COL8A1: variants seen among roughly 807,000 people sequenced by gnomAD.
The protein encoded by COL8A1 is collagen type VIII alpha 1 chain, also known as collagen alpha-1(VIII) chain.
A neutral mutation model predicts 42.7 loss-of-function variants in COL8A1; 21 were observed. That is an observed-to-expected ratio of 0.49 (90% confidence interval 0.35 to 0.71). The LOEUF (loss-of-function observed/expected upper bound fraction) is 0.71. Among genes scored for constraint, COL8A1 ranks in the 30% least tolerant of loss-of-function variants. The pLI is 0.01. For missense variants in COL8A1, 788 were observed against 962.4 expected, an observed-to-expected ratio of 0.82 and a Z score of 2.40; for synonymous variants, 367 against 369.1, an observed-to-expected ratio of 0.99 and a Z score of 0.06.
chr3:99,663,715 T>C (rs1052029538), intron 1 of COL8A1, among the ~76,000 whole-genome samples: 3 of 152,164 alleles, frequency 2.0e-5, no homozygotes, highest in Admixed American at 1.3e-4. Flanking sequence ...GTGAAGATGG[T>C]AAAATTTTTC....
chr3:99,787,660 C>CT (rs912732553), intron 2 of COL8A1, among the ~76,000 whole-genome samples: 1 of 152,160 alleles, frequency 6.6e-6, no homozygotes, highest in African/African-American at 2.4e-5. Flanking sequence ...GGTAAGAAAA[C>CT]TGAGGCTTAG....
chr3:99,749,225 A>T (rs1010649995), intron 2 of COL8A1, among the ~76,000 whole-genome samples: 53 of 152,264 alleles, frequency 3.5e-4, no homozygotes, highest in African/African-American at 1.2e-3. Flanking sequence ...TTTGGCAGTT[A>T]TTATGTGGGC....
intron 1 of COL8A1, among the ~76,000 whole-genome samples, chr3:99,644,854 T>C (rs1274115158): frequency 6.6e-6 from 1 of 152,220 alleles, no homozygotes; most frequent in East Asian, 1.9e-4. Context: ...AAATAACATG[T>C]ATCTAGCCTA....
intron 1 of COL8A1, among the ~76,000 whole-genome samples, chr3:99,655,711 A>G (rs1294010968): frequency 6.6e-6 from 1 of 152,264 alleles, no homozygotes; most frequent in Non-Finnish European, 1.5e-5. Context: ...TCAGAGAATA[A>G]AAGACAATGG....
At chr3:99,738,253 T>C (rs1015965414) in intron 1 of COL8A1, among the ~76,000 whole-genome samples, 2 of 152,270 alleles carry the variant, frequency 1.3e-5, no homozygotes, top group Non-Finnish European at 2.9e-5. Flanking sequence ...TCCAGCTTTG[T>C]TCCATCGCTG....
chr3:99,698,058 C>T (rs1939431683), intron 1 of COL8A1, among the ~76,000 whole-genome samples: 1 of 152,064 alleles, frequency 6.6e-6, no homozygotes, highest in Non-Finnish European at 1.5e-5. Flanking sequence ...TGAGTGAGAA[C>T]ATGTGGTGTT....
At chr3:99,753,203 C>T (rs1941186955) in intron 2 of COL8A1, among the ~76,000 whole-genome samples, 1 of 152,164 alleles carries the variant, frequency 6.6e-6, no homozygotes, top group Admixed American at 6.5e-5. Context: ...GCATTTTTAA[C>T]AAATTGCCAG....
intron 1 of COL8A1, among the ~76,000 whole-genome samples, chr3:99,639,490 T>G (rs148114743): frequency 9.2e-5 from 14 of 152,352 alleles, no homozygotes; most frequent in South Asian, 2.1e-4. Flanking sequence ...GAGAAAGGCT[T>G]TGGAAGTTTT....
Position 99,791,007 on chromosome 3 carries a change from A to C in COL8A1, c.325A>C (p.Lys109Gln), listed in dbSNP as rs1427817545. The change falls in exon 3 of 4, where the codon AAA becomes CAA. Residue 109 changes from lysine (K) to glutamine (Q), a missense_variant. Lys to Gln is a moderately conservative substitution (Grantham distance 53). Coordinates refer to ENST00000652472, the MANE Select transcript of COL8A1 (RefSeq NM_020351.4). ...MGKEAVPKKG[K>Q]EIPLASLRGE... ...CAAGGAAGCCGTACCCAAGAAAGGC[A>C]AAGGTAACATCATACTCCCAGGCTG... is the stretch of plus-strand genomic sequence containing the variant. 6.2e-7 allele frequency: 1 copy of C among 1,610,142 alleles called. No homozygotes were observed. The highest frequency in any genetic ancestry group is 8.5e-7 in the Non-Finnish European group (1 of 1,176,816).
chr3:99,721,822 A>G (rs1365495263), intron 1 of COL8A1, among the ~76,000 whole-genome samples: 1 of 152,074 alleles, frequency 6.6e-6, no homozygotes, highest in East Asian at 1.9e-4. Context: ...GTGAAAAAAC[A>G]AAAGGACGGA....
Position 99,794,520 on chromosome 3 carries a change from A to T in COL8A1, c.619A>T (p.Ile207Phe), listed in dbSNP as rs1021727368. 5 of 1,613,832 alleles carry T rather than the reference A, an allele frequency of 3.1e-6. No individual in the cohort carries two copies. The highest frequency in any genetic ancestry group is 4.2e-6 in the Non-Finnish European group (5 of 1,179,926). ...TCCAGGGCCTCATGGACTTCCTGGC[A>T]TTGGGAAGCCAGGTGGGCCAGGGTT... ...GPPGPHGLPGIGKPGGPGLPG... is the reference protein window; with the variant it reads ...GPPGPHGLPGFGKPGGPGLPG... The change falls in exon 4 of 4, where the codon ATT becomes TTT. Residue 207 changes from isoleucine (I) to phenylalanine (F), a missense_variant. Ile to Phe is a conservative substitution (Grantham distance 21, BLOSUM62 0). Transcript: ENST00000652472. This position sits in a 1 kb window ranked among gnomAD's most constrained non-coding sequence, Gnocchi z 4.3.
At chr3:99,659,482 T>C (rs898682549) in intron 1 of COL8A1, among the ~76,000 whole-genome samples, 4 of 152,194 alleles carry the variant, frequency 2.6e-5, no homozygotes, top group African/African-American at 9.6e-5. Flanking sequence ...TATCACATCA[T>C]TCTAAGGGAA....
intron 1 of COL8A1, among the ~76,000 whole-genome samples, chr3:99,677,175 CA>C (rs1278404752): frequency 4.6e-5 from 7 of 151,674 alleles, no homozygotes; most frequent in Non-Finnish European, 1.0e-4. Flanking sequence ...TCAATTTTAG[CA>C]GGTGTAAGCA....
intron 1 of COL8A1, among the ~76,000 whole-genome samples, chr3:99,665,266 T>G (rs759216431): frequency 6.6e-6 from 1 of 152,194 alleles, no homozygotes; most frequent in Non-Finnish European, 1.5e-5. Flanking sequence ...GTACTCACCA[T>G]CTCCTCCCTC....
intron 2 of COL8A1, among the ~76,000 whole-genome samples, chr3:99,754,249 T>G (rs776754435): frequency 1.3e-5 from 2 of 152,198 alleles, no homozygotes; most frequent in African/African-American, 4.8e-5. Context: ...ACAAGTCACT[T>G]AGATCCACTT....
At chr3:99,751,531 C>T (rs1340247000) in intron 2 of COL8A1, among the ~76,000 whole-genome samples, 1 of 152,136 alleles carries the variant, frequency 6.6e-6, no homozygotes, top group Non-Finnish European at 1.5e-5. Flanking sequence ...TGCACTCCAG[C>T]TTGGGCAACA....
At chr3:99,752,462 G>A (rs369207956) in intron 2 of COL8A1, among the ~76,000 whole-genome samples, 1 of 151,742 alleles carries the variant, frequency 6.6e-6, no homozygotes, top group South Asian at 2.1e-4. Context: ...CTATTTTATG[G>A]CGCCATGTGC....
intron 1 of COL8A1, among the ~76,000 whole-genome samples, chr3:99,725,822 C>T (rs1252157118): frequency 6.6e-6 from 1 of 152,014 alleles, no homozygotes. Context: ...CATTGTTGGA[C>T]ATTTGGGTTG....
chr3:99,714,250 C>T (rs1380007937), intron 1 of COL8A1, among the ~76,000 whole-genome samples: 1 of 152,058 alleles, frequency 6.6e-6, no homozygotes, highest in East Asian at 1.9e-4. Flanking sequence ...CAACTTAGTG[C>T]TGTACTGGAC....
Sources: gnomAD v4.1 joint callset for allele counts (sites outside exome capture counted in the v4.1 genomes callset) on GRCh38, gnomAD v4.1.1 for gene constraint, Gnocchi (gnomAD v3.1) non-coding constraint, MANE v1.5 for transcripts, NCBI Gene and HGNC (gene_info 2026-07-23, HGNC 2026-07-21) for gene names.